The following RB1 variants were observed in gnomAD, a reference collection of about 807,000 sequenced individuals.
RB1 encodes the protein retinoblastoma-associated protein.
Under a neutral mutation model 135.4 loss-of-function variants are expected in RB1, and 18 were observed. That is an observed-to-expected ratio of 0.13 (90% CI 0.09 to 0.20). RB1 has a LOEUF of 0.20. Among genes scored for constraint, RB1 ranks in the 10% least tolerant of loss-of-function variants. RB1 has a pLI of 1.00. For synonymous variants in RB1, 365 were observed against 373.2 expected, an observed-to-expected ratio of 0.98 and a Z score of 0.25; for missense variants, 868 against 1,110.0, an observed-to-expected ratio of 0.78 and a Z score of 3.10.
At chr13:48,317,105 G>A (rs1952191066) in intron 2 of RB1, 1 of 908,390 alleles carries the variant, frequency 1.1e-6, no homozygotes. Context: ...TCGCCAGCAA[G>A]TGTGGGCTTC....
chr13:48,437,200 G>A (rs1455712845), intron 17 of RB1, among the ~76,000 whole-genome samples: 2 of 152,194 alleles, frequency 1.3e-5, no homozygotes, highest in East Asian at 1.9e-4. Flanking sequence ...GCAAAACAGA[G>A]TGAAGCGTTG....
Position 48,414,613 on chromosome 13 carries a change from T to C in RB1, c.1695+33170T>C, listed in dbSNP as rs147417148. Reference sequence around the variant, plus strand: ...GGGTATTAAGTAATTTAAGAACAATTTATTTTTTTCTCATAAATTACTTAG... The same window carrying C: ...GGGTATTAAGTAATTTAAGAACAATCTATTTTTTTCTCATAAATTACTTAG... On this transcript the variant is annotated intron_variant, in intron 17 of 26. Coordinates refer to ENST00000267163, the MANE Select transcript of RB1 (RefSeq NM_000321.3). Among the ~76,000 whole-genome samples the C allele has an allele frequency of 5.6e-3, 846 of 152,266 alleles. 4 individuals carry two copies. The highest frequency in any genetic ancestry group is 8.2e-3 in the Non-Finnish European group (558 of 68,016).
At chr13:48,324,719 A>G (rs893506669) in intron 2 of RB1, among the ~76,000 whole-genome samples, 5 of 152,164 alleles carry the variant, frequency 3.3e-5, no homozygotes, top group African/African-American at 4.8e-5. Flanking sequence ...TCTTTTGGAT[A>G]TATACCCAGT....
In RB1 at chr13:48,324,335, T is replaced by G. The variant is rs550877364; in HGVS notation, c.264+16929T>G. On this transcript the variant is annotated intron_variant, in intron 2 of 26. Coordinates refer to ENST00000267163, the MANE Select transcript of RB1 (RefSeq NM_000321.3). Reference sequence around the variant, plus strand: ...TGTTCCTTCTATCTAACTGTCTTTTTGTACCCATTAACCAACTCCTCTTTT... The same window carrying G: ...TGTTCCTTCTATCTAACTGTCTTTTGGTACCCATTAACCAACTCCTCTTTT... Among the ~76,000 whole-genome samples the G allele has an allele frequency of 3.3e-5, 5 of 152,286 alleles. No homozygotes were observed. The East Asian group carries it at 9.6e-4, about 29-fold the overall frequency.
intron 7 of RB1, 99 bp downstream of exon 7, chr13:48,360,226 T>TA (rs1329188320): frequency 3.2e-6 from 5 of 1,560,058 alleles, no homozygotes; most frequent in African/African-American, 2.7e-5. Flanking sequence ...GACAGGATGA[T>TA]AAAAAATAAA....
chr13:48,315,143 A>G (rs1212558468), intron 2 of RB1, among the ~76,000 whole-genome samples: 2 of 152,090 alleles, frequency 1.3e-5, no homozygotes, highest in African/African-American at 4.8e-5. Flanking sequence ...TGGCCATTTT[A>G]ATGATATTGA....
chr13:48,462,853 CTCTT>C (rs1255384811), intron 20 of RB1, among the ~76,000 whole-genome samples: 8 of 152,150 alleles, frequency 5.3e-5, no homozygotes, highest in Middle Eastern at 3.4e-3. Flanking sequence ...GTTTTTTTCT[CTCTT>C]CATTGACAGT....
chr13:48,360,331 G>T (rs1036561880), intron 7 of RB1: 3 of 1,151,574 alleles, frequency 2.6e-6, no homozygotes, highest in African/African-American at 1.6e-5. Context: ...AAAGTGGTTT[G>T]GGTCAAAATA....
At chr13:48,375,695 C>T (rs916492702) in intron 12 of RB1, among the ~76,000 whole-genome samples, 1 of 151,852 alleles carries the variant, frequency 6.6e-6, no homozygotes, top group African/African-American at 2.4e-5. Flanking sequence ...TCTTGTGACT[C>T]AGCCTCCCAA....
chr13:48,304,559 A>G (rs1408985656), intron 1 of RB1, among the ~76,000 whole-genome samples: 1 of 152,084 alleles, frequency 6.6e-6, no homozygotes, highest in East Asian at 1.9e-4. Context: ...GCCTTGGACA[A>G]GAAGCGCAGG....
Position 48,368,533 on chromosome 13 carries a change from A to G in RB1, c.1056A>G (p.Glu352=). The change falls in exon 11 of 27, where the codon GAA becomes GAG. Residue 352 remains glutamate (E), a synonymous_variant. Coordinates refer to ENST00000267163, the MANE Select transcript of RB1 (RefSeq NM_000321.3). ...TTCACTTATTGTTATTTAGTTTTGA[A>G]ACACAGAGAACACCACGAAAAAGTA... ...TLQTDSIDSF[E]TQRTPRKSNL... The G allele has an allele frequency of 6.2e-7, 1 of 1,613,350 alleles. No individual in the cohort carries two copies. Among genetic ancestry groups the G allele is most frequent in the Non-Finnish European group, 8.5e-7 (1 of 1,179,644 alleles).
intron 17 of RB1, among the ~76,000 whole-genome samples, chr13:48,406,273 C>G (rs762715252): frequency 6.6e-6 from 1 of 151,984 alleles, no homozygotes; most frequent in Non-Finnish European, 1.5e-5. Context: ...TTCATTCCCA[C>G]CAGAAATGTA....
chr13:48,336,784 T>C (rs868640900), intron 2 of RB1, among the ~76,000 whole-genome samples: 21 of 151,960 alleles, frequency 1.4e-4, no homozygotes, highest in Non-Finnish European at 3.1e-4. Flanking sequence ...AGGGTGTCAA[T>C]TTTGGATGTT....
intron 17 of RB1, chr13:48,408,880 A>G (rs1948763422): frequency 6.6e-6 from 1 of 152,166 alleles, no homozygotes; most frequent in Non-Finnish European, 1.5e-5. Context: ...TCTTGCCTTA[A>G]GTTGAGATCT....
intron 2 of RB1, among the ~76,000 whole-genome samples, chr13:48,322,466 A>G (rs1049324604): frequency 2.0e-5 from 3 of 152,162 alleles, no homozygotes; most frequent in African/African-American, 7.2e-5. Flanking sequence ...AAATAATGTC[A>G]TTTGCAAATA....
chr13:48,445,449 A>G (rs1949279072), intron 17 of RB1, among the ~76,000 whole-genome samples: 1 of 152,120 alleles, frequency 6.6e-6, no homozygotes. Flanking sequence ...CAACCTCTCC[A>G]CTATCCCACC....
At chr13:48,412,721 G>A (rs532005394) in intron 17 of RB1, 20 of 446,642 alleles carry the variant, frequency 4.5e-5, no homozygotes, top group Admixed American at 3.7e-5. Context: ...TACAGTCAAC[G>A]AGTCCAACCC....
At chr13:48,456,941 C>T (rs1949364422) in intron 19 of RB1, among the ~76,000 whole-genome samples, 1 of 152,232 alleles carries the variant, frequency 6.6e-6, no homozygotes, top group Non-Finnish European at 1.5e-5. Context: ...GCTCAAGGAG[C>T]TCCCAATTCT....
intron 2 of RB1, chr13:48,320,495 G>A (rs1952225314): frequency 1.5e-6 from 1 of 675,930 alleles, no homozygotes; most frequent in Non-Finnish European, 2.5e-6. Context: ...GGGGAGGGAC[G>A]CGCAGAGGGA....
Sources: gnomAD v4.1 joint callset for allele counts (sites outside exome capture counted in the v4.1 genomes callset) on GRCh38, gnomAD v4.1.1 for gene constraint, MANE v1.5 for transcripts, NCBI Gene and HGNC (gene_info 2026-07-23, HGNC 2026-07-21) for gene names.